Variants in MSR1 observed in about 807,000 individuals in gnomAD.
The protein encoded by MSR1 is macrophage scavenger receptor types I and II.
A neutral mutation model predicts 47.2 loss-of-function variants in MSR1; 53 were observed. The ratio of observed to expected loss-of-function variants is 1.12; its 90% CI spans 0.90 to 1.41. The LOEUF (loss-of-function observed/expected upper bound fraction) is 1.41. Ranked by LOEUF, MSR1 falls within the 40% of genes most tolerant of loss-of-function variation. The pLI is 0.00. For synonymous variants in MSR1, 239 were observed against 185.6 expected (o/e 1.29, Z -2.34); for missense variants, 786 against 546.9 (o/e 1.44, Z -4.36).
At chr8:16,134,916 A>G (rs1254568241) in intron 8 of MSR1, among the ~76,000 whole-genome samples, 1 of 152,194 alleles carries the variant, frequency 6.6e-6, no homozygotes, top group Non-Finnish European at 1.5e-5. Context: ...CCAAGTCCAG[A>G]GCAAGGCTCT....
intron 8 of MSR1, among the ~76,000 whole-genome samples, chr8:16,123,878 A>C (rs1255973621): frequency 6.6e-6 from 1 of 152,154 alleles, no homozygotes; most frequent in African/African-American, 2.4e-5. Context: ...AGGAGTCTCC[A>C]ACTTGTACTC....
Position 16,177,887 on chromosome 8 carries a change from C to T in MSR1, c.102G>A (p.Pro34=), listed in dbSNP as rs139657703. 508 of 1,613,308 alleles carry T rather than the reference C, an allele frequency of 3.1e-4. 2 individuals are homozygous for T. The African/African-American group carries it at 6.0e-3, about 19-fold the overall frequency. Residue 34 remains proline, a splice_region_variant and synonymous_variant, in exon 2 of 10, where the codon CCG becomes CCA. Transcript: ENST00000262101. ...GGCAGCCCATCCCCCTCTACTTACTCGGAGGAAGCAAAGCTGTCATTGAGC... is the reference window on the plus strand; with the variant it reads ...GGCAGCCCATCCCCCTCTACTTACTTGGAGGAAGCAAAGCTGTCATTGAGC... ...DARSMTALLP[P]NPKNSPSLQE...
At chr8:16,136,890 C>T (rs1237178599) in intron 8 of MSR1, among the ~76,000 whole-genome samples, 13 of 151,970 alleles carry the variant, frequency 8.6e-5, no homozygotes, top group Non-Finnish European at 1.9e-4. Flanking sequence ...TGTGAGCCAC[C>T]GCTAATTTGT....
intron 8 of MSR1, among the ~76,000 whole-genome samples, chr8:16,131,612 T>G (rs538474207): frequency 2.0e-5 from 3 of 152,168 alleles, no homozygotes; most frequent in African/African-American, 7.2e-5. Context: ...TTTATAGTTT[T>G]AGGCTTTACT....
intron 1 of MSR1, among the ~76,000 whole-genome samples, chr8:16,190,853 C>G (rs1015183574): frequency 6.6e-6 from 1 of 152,002 alleles, no homozygotes; most frequent in African/African-American, 2.4e-5. Flanking sequence ...TCCGGAGTAA[C>G]TGGGATTACA....
chr8:16,146,866 C>G (rs1800713334), intron 7 of MSR1, among the ~76,000 whole-genome samples: 2 of 152,086 alleles, frequency 1.3e-5, no homozygotes, highest in African/African-American at 4.8e-5. Flanking sequence ...CTGGCCTCTA[C>G]TCGAAACTTC....
Position 16,180,041 on chromosome 8 carries a change from C to T in MSR1, c.-4-2049G>A, listed in dbSNP as rs148745222. Among the ~76,000 whole-genome samples, 563 of 152,026 alleles carry T rather than the reference C, an allele frequency of 3.7e-3. 3 individuals carry two copies. Among genetic ancestry groups the T allele is most frequent in the African/African-American group, 0.013 (524 of 41,462 alleles). ...TCTTGAACTCCTGACCTCAAGTCTG[C>T]CTCCCAAAGTGCTGTGATTGCAGGT... is the stretch of plus-strand genomic sequence containing the variant. On this transcript the variant is annotated intron_variant, in intron 1 of 9. Coordinates refer to ENST00000262101, the MANE Select transcript of MSR1 (RefSeq NM_138715.3).
intron 8 of MSR1, among the ~76,000 whole-genome samples, chr8:16,142,773 T>C (rs765569035): frequency 2.6e-5 from 4 of 152,146 alleles, no homozygotes; most frequent in Non-Finnish European, 5.9e-5. Context: ...CTGTTTGTGT[T>C]ACCTATCCCA....
chr8:16,186,286 G>T, intron 1 of MSR1: 2 of 1,252,574 alleles, frequency 1.6e-6, no homozygotes, highest in Non-Finnish European at 2.2e-6. Context: ...CCAGGGTCCA[G>T]TTTCTGTTCT....
At chr8:16,186,086 T>A (rs1250881796) in intron 1 of MSR1, 1 of 1,278,790 alleles carries the variant, frequency 7.8e-7, no homozygotes, top group Admixed American at 2.1e-5. Flanking sequence ...AATAAAACCT[T>A]GCAAGATTGG....
chr8:16,188,338 G>A (rs1487705766), intron 1 of MSR1, among the ~76,000 whole-genome samples: 4 of 151,684 alleles, frequency 2.6e-5, no homozygotes, highest in Non-Finnish European at 4.4e-5. Flanking sequence ...CCCTAATAAA[G>A]GAAAAAAACC....
intron 9 of MSR1, among the ~76,000 whole-genome samples, chr8:16,112,361 T>C (rs941132344): frequency 2.6e-5 from 4 of 152,158 alleles, no homozygotes; most frequent in Non-Finnish European, 5.9e-5. Context: ...AGAAAGGGTG[T>C]ATGACTTTCT....
chr8:16,131,441 G>GTTTTTTTTTTTTTTTTT (rs56321577), intron 8 of MSR1, among the ~76,000 whole-genome samples: 1 of 54,660 alleles, frequency 1.8e-5, no homozygotes, highest in African/African-American at 8.1e-5. Context: ...TCTGTTGATA[G>GTTTTTTTTTTTTTTTTT]TTTTTTTTTT....
intron 3 of MSR1, among the ~76,000 whole-genome samples, chr8:16,174,295 T>A (rs1359335778): frequency 1.3e-5 from 2 of 152,214 alleles, no homozygotes; most frequent in East Asian, 3.9e-4. Flanking sequence ...CATAAAAATG[T>A]ATCTTATTCC....
At chr8:16,175,404 G>A in intron 2 of MSR1, 104 bp from the exon 3 acceptor site, 2 of 946,964 alleles carry the variant, frequency 2.1e-6, no homozygotes, top group African/African-American at 1.7e-5. Flanking sequence ...AAGCCTATTG[G>A]AATAAAAAAG....
chr8:16,191,607 G>C (rs1410646244), intron 1 of MSR1, among the ~76,000 whole-genome samples: 2 of 151,910 alleles, frequency 1.3e-5, no homozygotes, highest in Admixed American at 6.6e-5. Context: ...TTACAGGTTA[G>C]GGAACTGAAA....
At chr8:16,127,764 C>A (rs1430677311) in intron 8 of MSR1, among the ~76,000 whole-genome samples, 1 of 152,168 alleles carries the variant, frequency 6.6e-6, no homozygotes, top group African/African-American at 2.4e-5. Context: ...CTGAAGCCAT[C>A]TGTGGGAATT....
intron 9 of MSR1, among the ~76,000 whole-genome samples, chr8:16,115,535 C>T (rs1010610981): frequency 3.3e-5 from 5 of 152,132 alleles, no homozygotes; most frequent in African/African-American, 1.2e-4. Flanking sequence ...TGAAGTAGAT[C>T]ATAAAACTTA....
At chr8:16,186,318 C>T (rs1417837367) in intron 1 of MSR1, 1 of 879,956 alleles carries the variant, frequency 1.1e-6, no homozygotes, top group East Asian at 2.7e-5. Flanking sequence ...TATTTTCACT[C>T]CCTTGGTGAT....
Sources: allele counts gnomAD v4.1 joint callset (sites outside exome capture counted in the v4.1 genomes callset), GRCh38; gene constraint gnomAD v4.1.1; transcripts MANE v1.5; gene names NCBI Gene and HGNC (gene_info 2026-07-23, HGNC 2026-07-21).